The following CFAP61 variants were observed in gnomAD, a reference collection of about 807,000 sequenced individuals.
CFAP61 encodes cilia and flagella associated protein 61, also known as cilia- and flagella-associated protein 61.
CFAP61 carries 107 observed loss-of-function variants against 135.6 expected under a neutral mutation model. The observed-to-expected ratio is 0.79, with a 90% CI of 0.67 to 0.93. The LOEUF is 0.93. CFAP61 is among the 40% of genes least tolerant of loss of function. The pLI is 0.00. For synonymous variants in CFAP61, 575 were observed against 578.5 expected (o/e 0.99, Z 0.09); for missense variants, 1,507 against 1,556.2 (o/e 0.97, Z 0.53).
At chr20:20,314,391 CAAAAAAA>C (rs528868861) in intron 25 of CFAP61, among the ~76,000 whole-genome samples, 1 of 58,930 alleles carries the variant, frequency 1.7e-5, no homozygotes, top group East Asian at 6.2e-4. Context: ...GACCCCATCT[CAAAAAAA>C]AAAAAAAAAA....
chr20:20,224,861 A>C (rs954249554), intron 17 of CFAP61, among the ~76,000 whole-genome samples: 5 of 152,182 alleles, frequency 3.3e-5, no homozygotes, highest in Non-Finnish European at 5.9e-5. Context: ...TAATCTTTGA[A>C]ATAATTTTCC....
At position 20,328,466 on chromosome 20, in the gene CFAP61, A is replaced by ATTGGCC. The variant is rs1282023234; in HGVS notation, c.3423-13355_3423-13350dup. The stretch of plus-strand genomic sequence containing the variant: ...AAACAAAGAGGAACAGCTCCTTGAC[A>ATTGGCC]TTGGCCTTGGCCTTGACTTTTGTGA... On this transcript the variant is annotated intron_variant, in intron 25 of 26. Coordinates refer to ENST00000245957, the MANE Select transcript of CFAP61 (RefSeq NM_015585.4). Among the ~76,000 whole-genome samples the ATTGGCC allele has an allele frequency of 9.2e-5, 14 of 152,338 alleles. No individual in the cohort carries two copies. In the East Asian group the frequency reaches 2.7e-3, roughly 29 times the overall value.
chr20:20,195,662 T>C lies in CFAP61; in HGVS notation c.1591-908T>C, dbSNP rs541988311. 3.3e-5 allele frequency among the ~76,000 whole-genome samples: 5 copies of C among 152,280 alleles called. No individual in the cohort carries two copies. The South Asian group carries it at 8.3e-4, about 25-fold the overall frequency. On this transcript the variant is annotated intron_variant, in intron 15 of 26. Coordinates refer to ENST00000245957, the MANE Select transcript of CFAP61 (RefSeq NM_015585.4). ...CATGGGAAGACACTCATCAGTCCTT[T>C]AAATTACCTTCCTCTGTAAAAATAT... is the stretch of plus-strand genomic sequence containing the variant.
rs577388358 is a variant in CFAP61 at position 20,174,827 on chromosome 20, C to T, written c.1385+5367C>T. On this transcript the variant is annotated intron_variant, in intron 13 of 26. Transcript: ENST00000245957. Reference sequence around the variant, plus strand: ...ATTTCATGTCACACAAAATGCAGTTCGGAAATGTGAGAGTGGGAGTGACCT... The same window carrying T: ...ATTTCATGTCACACAAAATGCAGTTTGGAAATGTGAGAGTGGGAGTGACCT... Among the ~76,000 whole-genome samples the T allele has an allele frequency of 1.3e-4, 20 of 152,276 alleles. No homozygotes were observed. In the East Asian group the frequency reaches 1.5e-3, roughly 12 times the overall value.
intron 2 of CFAP61, among the ~76,000 whole-genome samples, chr20:20,068,048 A>G (rs529491812): frequency 6.6e-6 from 1 of 152,116 alleles, no homozygotes; most frequent in Non-Finnish European, 1.5e-5. Context: ...TTTAATGTCT[A>G]TGTGGTATAT....
intron 6 of CFAP61, among the ~76,000 whole-genome samples, chr20:20,083,977 T>A (rs1477620433): frequency 6.6e-6 from 1 of 152,186 alleles, no homozygotes; most frequent in African/African-American, 2.4e-5. Context: ...AATGATAGAT[T>A]TGATTTTCTT....
chr20:20,151,829 CAAA>C (rs386393498), intron 9 of CFAP61, among the ~76,000 whole-genome samples: 2 of 53,350 alleles, frequency 3.7e-5, no homozygotes, highest in Admixed American at 2.6e-4. Flanking sequence ...GACTCCGTCT[CAAA>C]AAAAAAAAAA....
intron 20 of CFAP61, among the ~76,000 whole-genome samples, chr20:20,260,598 T>TA (rs2147006341): frequency 6.6e-6 from 1 of 152,352 alleles, no homozygotes; most frequent in African/African-American, 2.4e-5. Flanking sequence ...ACACAAGAAT[T>TA]ATGTGGATTA....
chr20:20,154,979 C>A (rs2052764723), intron 9 of CFAP61, among the ~76,000 whole-genome samples: 1 of 152,028 alleles, frequency 6.6e-6, no homozygotes, highest in Non-Finnish European at 1.5e-5. Flanking sequence ...CAAGACTAAG[C>A]AAAAAGAAGA....
chr20:20,114,274 A>C lies in CFAP61; in HGVS notation c.859+15460A>C, dbSNP rs562699196. On this transcript the variant is annotated intron_variant, in intron 8 of 26. Coordinates refer to ENST00000245957, the MANE Select transcript of CFAP61 (RefSeq NM_015585.4). Reference sequence around the variant, plus strand: ...AGCAGAGTGAGGCCCTGTCTCTAAAATTAAATTAAATTTTAAAATAATCAT... The same window carrying C: ...AGCAGAGTGAGGCCCTGTCTCTAAACTTAAATTAAATTTTAAAATAATCAT... Among the ~76,000 whole-genome samples, 3 of 152,312 alleles carry C rather than the reference A, an allele frequency of 2.0e-5. No individual in the cohort carries two copies. In the East Asian group the frequency reaches 5.8e-4, roughly 29 times the overall value.
intron 19 of CFAP61, among the ~76,000 whole-genome samples, chr20:20,249,391 T>C (rs1284361184): frequency 6.6e-6 from 1 of 151,868 alleles, no homozygotes; most frequent in Non-Finnish European, 1.5e-5. Context: ...AAAATTAAAT[T>C]AGCCAGGTAT....
intron 25 of CFAP61, among the ~76,000 whole-genome samples, chr20:20,316,314 G>T (rs1700172667): frequency 6.6e-6 from 1 of 151,806 alleles, no homozygotes; most frequent in African/African-American, 2.4e-5. Context: ...GTGAATGGGA[G>T]TTCACTCATG....
At chr20:20,298,124 T>TAG in intron 24 of CFAP61, 57 bp from the exon 25 acceptor site, 1 of 1,234,930 alleles carries the variant, frequency 8.1e-7, no homozygotes, top group Non-Finnish European at 1.2e-6. Context: ...ATGATAAAGT[T>TAG]CCCAAAATCC....
chr20:20,124,965 G>A (rs988052404), intron 8 of CFAP61, among the ~76,000 whole-genome samples: 2 of 151,632 alleles, frequency 1.3e-5, no homozygotes, highest in Non-Finnish European at 2.9e-5. Context: ...TATCTTTCCA[G>A]GAATTTATCT....
chr20:20,080,244 C>G (rs916362822), intron 6 of CFAP61, among the ~76,000 whole-genome samples: 3 of 151,984 alleles, frequency 2.0e-5, no homozygotes, highest in African/African-American at 7.3e-5. Flanking sequence ...TACATATATA[C>G]CTATATATAT....
At chr20:20,077,764 A>G (rs1465627848) in intron 6 of CFAP61, among the ~76,000 whole-genome samples, 1 of 152,252 alleles carries the variant, frequency 6.6e-6, no homozygotes, top group Non-Finnish European at 1.5e-5. Context: ...GAAAGGGTTT[A>G]TCTAAAGACC....
intron 9 of CFAP61, among the ~76,000 whole-genome samples, chr20:20,153,963 A>G (rs1285380756): frequency 1.3e-5 from 2 of 152,160 alleles, no homozygotes; most frequent in African/African-American, 4.8e-5. Context: ...AATCCTCAAC[A>G]AAATGCTAGC....
At chr20:20,347,068 A>G (rs1424472641) in intron 26 of CFAP61, among the ~76,000 whole-genome samples, 1 of 152,252 alleles carries the variant, frequency 6.6e-6, no homozygotes, top group Non-Finnish European at 1.5e-5. Context: ...ACCACAACAG[A>G]ATGAAGCTGG....
chr20:20,140,300 G>A (rs1374457917), intron 8 of CFAP61, among the ~76,000 whole-genome samples: 4 of 150,630 alleles, frequency 2.7e-5, no homozygotes, highest in East Asian at 1.9e-4. Flanking sequence ...CCATTAACTC[G>A]TCATTTAGCA....
Sources: gnomAD v4.1 joint callset for allele counts (sites outside exome capture counted in the v4.1 genomes callset) on GRCh38, gnomAD v4.1.1 for gene constraint, MANE v1.5 for transcripts, NCBI Gene and HGNC (gene_info 2026-07-23, HGNC 2026-07-21) for gene names.